The following GBP7 variants were observed in gnomAD, a reference collection of about 807,000 sequenced individuals.
GBP7 encodes guanylate binding protein 7.
A neutral mutation model predicts 61.3 loss-of-function variants in GBP7; 43 were observed. The observed-to-expected ratio is 0.70, with a 90% CI of 0.55 to 0.91. The LOEUF is 0.91. Ranked by LOEUF, GBP7 falls within the 40% of genes least tolerant of loss-of-function variation. The pLI is 0.00. For synonymous variants in GBP7, 267 were observed against 271.0 expected (o/e 0.99, Z 0.14); for missense variants, 717 against 740.5 (o/e 0.97, Z 0.37).
intron 3 of GBP7, among the ~76,000 whole-genome samples, chr1:89,153,466 G>A (rs1682249126): frequency 6.6e-6 from 1 of 152,280 alleles, no homozygotes; most frequent in Admixed American, 6.5e-5. Context: ...AGCATAGTAA[G>A]TATGTAGTAA....
chr1:89,147,283 G>A (rs1349874904), intron 8 of GBP7, among the ~76,000 whole-genome samples: 1 of 152,032 alleles, frequency 6.6e-6, no homozygotes, highest in Non-Finnish European at 1.5e-5. Flanking sequence ...CTTTCATAGT[G>A]TATTTCTGTA....
At chr1:89,163,611 G>A (rs1016644940) in intron 3 of GBP7, among the ~76,000 whole-genome samples, 12 of 151,750 alleles carry the variant, frequency 7.9e-5, no homozygotes, top group African/African-American at 2.4e-4. Context: ...TCCCCCTGTC[G>A]TTTCTGACTA....
chr1:89,152,367 A>G lies in GBP7; in HGVS notation c.526T>C (p.Phe176Leu), dbSNP rs569134617. The G allele has an allele frequency of 6.2e-7, 1 of 1,614,166 alleles. No individual in the cohort carries two copies. Among genetic ancestry groups the G allele is most frequent in the Admixed American group, 1.7e-5 (1 of 60,026 alleles). Reference protein sequence around the residue: ...SSEFVSFFPDFIWTVRDFTLE... With the variant: ...SSEFVSFFPDLIWTVRDFTLE... ...GTAAAATCTCGAACAGTCCAAATAA[A>G]GTCTGGAAAGAAACTCACAAACTCG... The change falls in exon 5 of 11, where the codon TTT becomes CTT. Residue 176 changes from phenylalanine (F) to leucine (L), a missense_variant. By Grantham distance (22) the Phe-to-Leu change is conservative. Around this residue, in one of 3 missense-constraint regions of GBP7, gnomAD observed 387 missense variants for 385.2 expected, o/e 1.00. Coordinates refer to ENST00000294671, the MANE Select transcript of GBP7 (RefSeq NM_207398.3).
intron 3 of GBP7, among the ~76,000 whole-genome samples, chr1:89,163,023 G>A (rs1319132031): frequency 2.0e-5 from 3 of 152,154 alleles, no homozygotes; most frequent in Non-Finnish European, 2.9e-5. Flanking sequence ...AGATAATTGT[G>A]TGGTTTTTGT....
Position 89,150,350 on chromosome 1 carries a change from C to A in GBP7, c.851G>T (p.Gly284Val). Residue 284 changes from glycine (G) to valine (V), a missense_variant, in exon 6 of 11, where the codon GGA becomes GTA. By Grantham distance (109) the Gly-to-Val change is moderately radical. This residue lies in a region of GBP7 where 387 missense variants were observed against 385.2 expected (regional missense o/e 1.00). Transcript: ENST00000294671. ...CTCACGGTTTCCAGTGACAAGGATTCCCTCTCTCAGGGTCTTGGTCTTTGC... is the reference window on the plus strand; with the variant it reads ...CTCACGGTTTCCAGTGACAAGGATTACCTCTCTCAGGGTCTTGGTCTTTGC... ...THAKTKTLRE[G>V]ILVTGNRLGM... The A allele has an allele frequency of 6.2e-7, 1 of 1,613,416 alleles. No individual in the cohort carries two copies. Among genetic ancestry groups the A allele is most frequent in the South Asian group, 1.1e-5 (1 of 91,072 alleles).
chr1:89,141,506 A>G lies in GBP7; in HGVS notation c.1468+40T>C, dbSNP rs777545086. The G allele has an allele frequency of 1.2e-5, 18 of 1,557,312 alleles. No individual in the cohort carries two copies. The East Asian group carries it at 3.8e-4, about 33-fold the overall frequency. ...TGAACATCAAGAGAGTGTTGCAAGAACCTACCCATTTGCCTGAGAGCTGAG... is the reference window on the plus strand; with the variant it reads ...TGAACATCAAGAGAGTGTTGCAAGAGCCTACCCATTTGCCTGAGAGCTGAG... On this transcript the variant is annotated intron_variant, in intron 9 of 10. Coordinates refer to ENST00000294671, the MANE Select transcript of GBP7 (RefSeq NM_207398.3).
At position 89,132,108 on chromosome 1, in the gene GBP7, A is replaced by C; in HGVS notation, c.*41T>G. The C allele has an allele frequency of 6.6e-7, 1 of 1,521,574 alleles. No homozygotes were observed. The highest frequency in any genetic ancestry group is 2.3e-5 in the East Asian group (1 of 44,206). The allele number at this position is 1,521,574 out of a possible 1,614,324, so 94.3% of individuals were successfully genotyped here. A position where few individuals can be genotyped will look rare whatever the true frequency, so the allele number is the denominator to read the frequency against. ...AAACTGCAATAACACATATACTTTT[A>C]AAATGAGCAACAGCGTTATACCATT... On this transcript the variant is annotated 3_prime_UTR_variant, in exon 11 of 11. Coordinates refer to ENST00000294671, the MANE Select transcript of GBP7 (RefSeq NM_207398.3).
At position 89,156,449 on chromosome 1, in the gene GBP7, C is replaced by T. The variant is rs184513274; in HGVS notation, c.319-3672G>A. On this transcript the variant is annotated intron_variant, in intron 3 of 10. Coordinates refer to ENST00000294671, the MANE Select transcript of GBP7 (RefSeq NM_207398.3). Reference sequence around the variant, plus strand: ...ACAAGACCCATCAGTGTGCTGTATTCAAGAGACCCATCTCATGAGCAGAGA... The same window carrying T: ...ACAAGACCCATCAGTGTGCTGTATTTAAGAGACCCATCTCATGAGCAGAGA... Among the ~76,000 whole-genome samples, 447 of 152,282 alleles carry T rather than the reference C, an allele frequency of 2.9e-3. 3 individuals carry two copies. The highest frequency in any genetic ancestry group is 5.5e-3 in the Non-Finnish European group (377 of 68,020).
intron 2 of GBP7, among the ~76,000 whole-genome samples, chr1:89,169,000 C>A (rs1362146865): frequency 1.3e-5 from 2 of 150,938 alleles, no homozygotes; most frequent in African/African-American, 4.9e-5. Context: ...AACAAAAAAA[C>A]TCCTGTGGAA....
At chr1:89,169,555 C>G (rs145516976) in intron 2 of GBP7, among the ~76,000 whole-genome samples, 99 of 152,314 alleles carry the variant, frequency 6.5e-4, no homozygotes, top group African/African-American at 2.4e-3. Flanking sequence ...TATTATTTAT[C>G]TACAACCTGG....
chr1:89,164,923 A>G (rs1647381266), intron 2 of GBP7, 65 bp from the exon 3 acceptor site: 17 of 1,518,374 alleles, frequency 1.1e-5, no homozygotes, highest in Admixed American at 1.9e-5. Flanking sequence ...GGCCTATACC[A>G]GTTAAATGTA....
intron 1 of GBP7, among the ~76,000 whole-genome samples, chr1:89,172,185 T>G (rs150927617): frequency 7.9e-5 from 12 of 152,288 alleles, no homozygotes; most frequent in African/African-American, 2.9e-4. Context: ...AGAGTGCCCA[T>G]ACACCACTTC....
At chr1:89,139,199 A>T (rs1187855666) in intron 9 of GBP7, among the ~76,000 whole-genome samples, 1 of 152,218 alleles carries the variant, frequency 6.6e-6, no homozygotes, top group Admixed American at 6.5e-5. Context: ...TGGGGAAAGG[A>T]TTCCCTATTT....
chr1:89,140,767 T>A (rs1158596107), intron 9 of GBP7, among the ~76,000 whole-genome samples: 5 of 152,214 alleles, frequency 3.3e-5, no homozygotes, highest in African/African-American at 1.2e-4. Context: ...ATCGGTGCAC[T>A]ATTTCCAATA....
At chr1:89,149,606 A>T (rs1483919757) in intron 6 of GBP7, 34 bp from the exon 7 acceptor site, 1 of 1,569,984 alleles carries the variant, frequency 6.4e-7, no homozygotes, top group Admixed American at 1.8e-5. Flanking sequence ...GAATAGATAG[A>T]AAGTTTTCAC....
intron 2 of GBP7, among the ~76,000 whole-genome samples, chr1:89,170,586 A>G (rs949565091): frequency 1.3e-5 from 2 of 152,198 alleles, no homozygotes; most frequent in Non-Finnish European, 2.9e-5. Context: ...ACTAGGGAAC[A>G]CAAAGTATAA....
At position 89,149,497 on chromosome 1, in the gene GBP7, G is replaced by T; in HGVS notation, c.947C>A (p.Ala316Glu). The T allele has an allele frequency of 6.2e-7, 1 of 1,614,126 alleles. No homozygotes were observed. Among genetic ancestry groups the T allele is most frequent in the African/African-American group, 1.3e-5 (1 of 75,058 alleles). Residue 316 changes from alanine (A) to glutamate (E), a missense_variant, in exon 7 of 11, where the codon GCA becomes GAA. Transcript: ENST00000294671. ...TGAGTTCTCACACTGGGCCAGAACT[G>T]CCATTGCATTCTCCAGACAAGGAGT... ...GATPCLENAM[A>E]VLAQCENSAA...
chr1:89,169,039 AG>A, intron 2 of GBP7, among the ~76,000 whole-genome samples: 1 of 152,318 alleles, frequency 6.6e-6, no homozygotes. Context: ...TTTAGTCCAC[AG>A]CCTCCATAGA....
In GBP7 at chr1:89,135,046, A is replaced by C. The variant is rs189347428; in HGVS notation, c.1469-1595T>G. Reference sequence around the variant, plus strand: ...CTGAAAAACATGCTACAAGAATTTCATAATACAATCAGAGTATTAAATGTA... The same window carrying C: ...CTGAAAAACATGCTACAAGAATTTCCTAATACAATCAGAGTATTAAATGTA... On this transcript the variant is annotated intron_variant, in intron 9 of 10. Transcript: ENST00000294671. 3.8e-4 allele frequency among the ~76,000 whole-genome samples: 58 copies of C among 152,378 alleles called. 6 individuals carry two copies. Among genetic ancestry groups the C allele is most frequent in the Admixed American group, 9.1e-4 (14 of 15,310 alleles).
Sources: gnomAD v4.1 joint callset for allele counts (sites outside exome capture counted in the v4.1 genomes callset) on GRCh38, gnomAD v4.1.1 for gene constraint, gnomAD v4.1.1 regional missense constraint, MANE v1.5 for transcripts, NCBI Gene and HGNC (gene_info 2026-07-23, HGNC 2026-07-21) for gene names.